The following CEP164 variants were observed in gnomAD, a reference collection of about 807,000 sequenced individuals.
CEP164 encodes centrosomal protein of 164 kDa.
CEP164 carries 162 observed loss-of-function variants against 182.7 expected under a neutral mutation model. The ratio of observed to expected loss-of-function variants is 0.89; its 90% confidence interval spans 0.78 to 1.01. CEP164 has a LOEUF of 1.01. CEP164 is among the 50% of genes least tolerant of loss of function. The pLI is 0.00. For missense variants in CEP164, 1,735 were observed against 1,790.4 expected (o/e 0.97, Z 0.56); for synonymous variants, 661 against 690.0 (o/e 0.96, Z 0.66).
upstream of CEP164, among the ~76,000 whole-genome samples, chr11:117,324,958 G>A (rs968110710): frequency 2.6e-5 from 4 of 152,166 alleles, no homozygotes; most frequent in African/African-American, 9.7e-5. Flanking sequence ...CTTAGATATA[G>A]GGACCAAGTC....
At position 117,363,504 on chromosome 11, in the gene CEP164, G is replaced by A; in HGVS notation, c.763G>A (p.Glu255Lys). 6.2e-7 allele frequency: 1 copy of A among 1,612,114 alleles called. No individual in the cohort carries two copies. Among genetic ancestry groups the A allele is most frequent in the Non-Finnish European group, 8.5e-7 (1 of 1,178,184 alleles). Residue 255 changes from glutamate (E) to lysine (K), a missense_variant and splice_region_variant, in exon 8 of 33, where the codon GAG becomes AAG. Transcript: ENST00000278935. The stretch of plus-strand genomic sequence containing the variant: ...GGCACTGGGGGGTGACTTTGAGTAT[G>A]AGGTAAGAGCCCTAATCCCTACAGG... Reference protein sequence around the residue: ...IGALGGDFEYEESLRTSQPEE... With the variant: ...IGALGGDFEYKESLRTSQPEE...
At chr11:117,388,579 T>C (rs1410695883) in intron 15 of CEP164, among the ~76,000 whole-genome samples, 1 of 152,132 alleles carries the variant, frequency 6.6e-6, no homozygotes, top group African/African-American at 2.4e-5. Context: ...CAAATATTTC[T>C]GGAATGAGAA....
At position 117,338,629 on chromosome 11, in the gene CEP164, G is replaced by T; in HGVS notation, c.43G>T (p.Glu15Ter). ...CCGCATAGGAGATCAGCTGGTTCTGGAAGAAGATTATGATGAGACCTACAT... is the reference window on the plus strand; with the variant it reads ...CCGCATAGGAGATCAGCTGGTTCTGTAAGAAGATTATGATGAGACCTACAT... Reference protein sequence around the residue: ...PLRIGDQLVLEEDYDETYIPS... With the variant: ...PLRIGDQLVL The change falls in exon 3 of 33, where the codon GAA (glutamate) becomes TAA (stop). Residue 15 changes from glutamate (E) to a stop codon, truncating the protein, a stop_gained. Transcript: ENST00000278935. LOFTEE classifies it high-confidence loss of function. The T allele has an allele frequency of 6.2e-7, 1 of 1,614,148 alleles. No individual in the cohort carries two copies. The highest frequency in any genetic ancestry group is 8.5e-7 in the Non-Finnish European group (1 of 1,180,002).
Position 117,387,301 on chromosome 11 carries a change from G to T in CEP164, c.1823G>T (p.Arg608Met), listed in dbSNP as rs747579095. ...GCCCAAGTACTCGAGCAAGACCAGA[G>T]GCACCTGCTGGAATCCAAGCAAGAG... ...AVAQVLEQDQ[R>M]HLLESKQEKM... The change falls in exon 15 of 33, where the codon AGG (arginine) becomes ATG (methionine). Residue 608 changes from arginine (R) to methionine (M), a missense_variant. Arg to Met is a moderately conservative substitution (Grantham distance 91, BLOSUM62 -1). Transcript: ENST00000278935. The T allele has an allele frequency of 6.2e-7, 1 of 1,614,204 alleles. No individual in the cohort carries two copies. Among genetic ancestry groups the T allele is most frequent in the South Asian group, 1.1e-5 (1 of 91,080 alleles).
chr11:117,346,984 C>T (rs900271460), intron 4 of CEP164, among the ~76,000 whole-genome samples: 4 of 152,106 alleles, frequency 2.6e-5, no homozygotes, highest in South Asian at 2.1e-4. Flanking sequence ...TAAATTCTCT[C>T]TAGACTCTTT....
chr11:117,348,670 T>C (rs1398629158), intron 4 of CEP164, among the ~76,000 whole-genome samples: 1 of 152,186 alleles, frequency 6.6e-6, no homozygotes, highest in East Asian at 1.9e-4. Context: ...TTTAAGCATT[T>C]TTGAGTGGAC....
At chr11:117,339,354 G>A (rs1043412512) in intron 3 of CEP164, among the ~76,000 whole-genome samples, 1 of 152,090 alleles carries the variant, frequency 6.6e-6, no homozygotes, top group Non-Finnish European at 1.5e-5. Flanking sequence ...TAAATACAGT[G>A]TGTTCTGAGA....
rs546457590 is a variant in CEP164 at position 117,366,913 on chromosome 11, T to C, written c.765+3407T>C. Among the ~76,000 whole-genome samples the C allele has an allele frequency of 2.6e-5, 4 of 152,316 alleles. No individual in the cohort carries two copies. In the South Asian group the frequency reaches 6.2e-4, roughly 24 times the overall value. Reference sequence around the variant, plus strand: ...CATGAAATGATTCTTATAAGCTCTCTCCTGCTCTCTCCTCCTGCAGATGGT... The same window carrying C: ...CATGAAATGATTCTTATAAGCTCTCCCCTGCTCTCTCCTCCTGCAGATGGT... On this transcript the variant is annotated intron_variant, in intron 8 of 32. Transcript: ENST00000278935.
At chr11:117,405,544 CT>C (rs1402357753) in intron 27 of CEP164, among the ~76,000 whole-genome samples, 2 of 152,332 alleles carry the variant, frequency 1.3e-5, no homozygotes, top group East Asian at 3.9e-4. Context: ...CAGAAATCAC[CT>C]GCCTTCTGCG....
intron 1 of CEP164, among the ~76,000 whole-genome samples, chr11:117,330,541 C>T (rs570351584): frequency 1.2e-4 from 19 of 152,156 alleles, no homozygotes; most frequent in African/African-American, 3.9e-4. Context: ...CCTAGCTACT[C>T]GTGAGGCTGA....
chr11:117,393,042 A>AGG lies in CEP164; in HGVS notation c.2535_2536dup (p.Glu846GlyfsTer10), dbSNP rs2044893024. On this transcript the variant is annotated frameshift_variant, in exon 20 of 33. Transcript: ENST00000278935. LOFTEE classifies it high-confidence loss of function. Reference sequence around the variant, plus strand: ...TGCGAGAGAAGCGCCAGGAAGTGGAAGGGGAGCATGAGAGGAGGTTGGACA... The same window carrying AGG: ...TGCGAGAGAAGCGCCAGGAAGTGGAAGGGGGGAGCATGAGAGGAGGTTGGACA... 3 of 1,613,566 alleles carry AGG rather than the reference A, an allele frequency of 1.9e-6. No homozygotes were observed. Among genetic ancestry groups the AGG allele is most frequent in the Admixed American group, 1.7e-5 (1 of 60,000 alleles).
At chr11:117,349,665 TA>T (rs2039376759) in intron 4 of CEP164, among the ~76,000 whole-genome samples, 1 of 152,150 alleles carries the variant, frequency 6.6e-6, no homozygotes, top group Non-Finnish European at 1.5e-5. Context: ...TAAAATTACT[TA>T]ATCCATTGTG....
At chr11:117,347,143 A>G (rs1299482014) in intron 4 of CEP164, among the ~76,000 whole-genome samples, 3 of 152,132 alleles carry the variant, frequency 2.0e-5, no homozygotes, top group Middle Eastern at 3.4e-3. Context: ...ATGTAGCACA[A>G]TTTTCAAAAA....
At position 117,361,233 on chromosome 11, in the gene CEP164, C is replaced by CTT. The variant is rs71469129; in HGVS notation, c.394-577_394-576dup. Among the ~76,000 whole-genome samples, 43 of 90,196 alleles carry CTT rather than the reference C, an allele frequency of 4.8e-4. 3 individuals are homozygous for CTT. Among genetic ancestry groups the CTT allele is most frequent in the Non-Finnish European group, 5.4e-4 (25 of 46,408 alleles). The allele number at this position is 90,196 out of a possible 152,430, so 59.2% of individuals were successfully genotyped here. A position where few individuals can be genotyped will look rare whatever the true frequency, so the allele number is the denominator to read the frequency against. On this transcript the variant is annotated intron_variant, in intron 5 of 32. Transcript: ENST00000278935. ...TACAGGCGTGAGCCACTGCGCCTGG[C>CTT]TTTTTTTTTTTTTTTTTTTTTTTTT...
intron 1 of CEP164, among the ~76,000 whole-genome samples, chr11:117,334,917 A>G (rs191608729): frequency 6.6e-6 from 1 of 152,306 alleles, no homozygotes; most frequent in Non-Finnish European, 1.5e-5. Context: ...ACATTTCTCA[A>G]ATGCAGAATT....
chr11:117,370,005 C>T (rs1292953471), intron 8 of CEP164, among the ~76,000 whole-genome samples: 2 of 152,206 alleles, frequency 1.3e-5, no homozygotes, highest in Non-Finnish European at 2.9e-5. Flanking sequence ...ATGGGCACAA[C>T]AGGGGTCTGA....
intron 5 of CEP164, chr11:117,359,311 A>G: frequency 1.5e-6 from 1 of 650,746 alleles, no homozygotes; most frequent in Non-Finnish European, 1.9e-6. Flanking sequence ...TGGCAGAGCC[A>G]GTCTCAGGTG....
At position 117,409,013 on chromosome 11, in the gene CEP164, TGGC is replaced by T. The variant is rs755145878; in HGVS notation, c.3737_3739del (p.Arg1246del). On this transcript the variant is annotated inframe_deletion, in exon 29 of 33. Transcript: ENST00000278935. The surrounding 1 kb of genome is among the most constrained non-coding windows in gnomAD (Gnocchi z 4.4). ...TTTTTCCCCGCCTCACCGTGAGTGG[TGGC>T]GGCAGCAGAGGAGTGAGTGGGGGAG... 6.2e-7 allele frequency: 1 copy of T among 1,613,844 alleles called. No individual in the cohort carries two copies. Among genetic ancestry groups the T allele is most frequent in the Non-Finnish European group, 8.5e-7 (1 of 1,179,922 alleles).
At chr11:117,331,930 C>G (rs984863202) in intron 1 of CEP164, among the ~76,000 whole-genome samples, 1 of 151,488 alleles carries the variant, frequency 6.6e-6, no homozygotes, top group Non-Finnish European at 1.5e-5. Flanking sequence ...TAGCTCCTGC[C>G]TCAGCCTTCC....
Sources: allele counts gnomAD v4.1 joint callset (sites outside exome capture counted in the v4.1 genomes callset), GRCh38; gene constraint gnomAD v4.1.1; non-coding constraint Gnocchi (gnomAD v3.1); transcripts MANE v1.5; gene names NCBI Gene and HGNC (gene_info 2026-07-23, HGNC 2026-07-21).